The following NCKAP5 variants were observed in gnomAD, a reference collection of about 807,000 sequenced individuals.
NCKAP5 encodes the protein NCK associated protein 5.
In NCKAP5, 92 loss-of-function variants were observed where a neutral mutation model predicts 167.0. That is an observed-to-expected ratio of 0.55 (90% confidence interval 0.47 to 0.66). The LOEUF (loss-of-function observed/expected upper bound fraction) is 0.66. Ranked by LOEUF, NCKAP5 falls within the 30% of genes least tolerant of loss-of-function variation. The pLI, the probability that NCKAP5 is intolerant of heterozygous loss-of-function variation, is 0.00. For synonymous variants in NCKAP5, 891 were observed against 877.4 expected (o/e 1.02, Z -0.27); for missense variants, 2,378 against 2,315.0 (o/e 1.03, Z -0.56).
intron 16 of NCKAP5, among the ~76,000 whole-genome samples, chr2:132,755,583 C>A (rs1302115971): frequency 6.6e-6 from 1 of 152,056 alleles, no homozygotes; most frequent in African/African-American, 2.4e-5. Flanking sequence ...GTAATCCCAG[C>A]ACTTTGGAAG....
intron 2 of NCKAP5, among the ~76,000 whole-genome samples, chr2:133,532,100 T>G (rs1440266782): frequency 6.6e-6 from 1 of 152,244 alleles, no homozygotes; most frequent in Non-Finnish European, 1.5e-5. Flanking sequence ...ATAGTCTACT[T>G]TCTATATTCA....
chr2:132,863,445 G>A, intron 10 of NCKAP5, among the ~76,000 whole-genome samples: 2 of 94,604 alleles, frequency 2.1e-5, no homozygotes, highest in Non-Finnish European at 3.7e-5. Context: ...TTCTTCAGAT[G>A]GGTAAAAAAA....
At position 132,784,979 on chromosome 2, in the gene NCKAP5, T is replaced by C. The variant is rs1439834850; in HGVS notation, c.1832A>G (p.Asp611Gly). 1.9e-6 allele frequency: 3 copies of C among 1,613,660 alleles called. No individual in the cohort carries two copies. The highest frequency in any genetic ancestry group is 2.5e-6 in the Non-Finnish European group (3 of 1,179,778). ...PSDVSLAADT[D>G]KSVENLDVLV... Reference sequence around the variant, plus strand: ...GACATCCAGGTTCTCCACGGACTTATCGGTGTCGGCAGCCAATGACACGTC... The same window carrying C: ...GACATCCAGGTTCTCCACGGACTTACCGGTGTCGGCAGCCAATGACACGTC... The change falls in exon 14 of 20, where the codon GAT becomes GGT. Residue 611 changes from aspartate to glycine, a missense_variant. By Grantham distance (94) the Asp-to-Gly change is moderately conservative. Coordinates refer to ENST00000409261, the MANE Select transcript of NCKAP5 (RefSeq NM_207363.3).
chr2:133,316,690 T>A (rs2150645821), intron 3 of NCKAP5, among the ~76,000 whole-genome samples: 1 of 152,140 alleles, frequency 6.6e-6, no homozygotes, highest in East Asian at 1.9e-4. Context: ...CCTCCTGGAG[T>A]GAGGTATTTC....
intron 16 of NCKAP5, among the ~76,000 whole-genome samples, chr2:132,735,013 A>T (rs1289995194): frequency 1.3e-5 from 2 of 152,200 alleles, no homozygotes; most frequent in Non-Finnish European, 2.9e-5. Flanking sequence ...TGGGCTCCCC[A>T]TTCTGTGGCT....
At chr2:133,524,693 CCT>C (rs1484699984) in intron 2 of NCKAP5, among the ~76,000 whole-genome samples, 2 of 152,142 alleles carry the variant, frequency 1.3e-5, no homozygotes, top group Non-Finnish European at 2.9e-5. Context: ...AAACTCCAGT[CCT>C]CTTTGTATTG....
intron 5 of NCKAP5, among the ~76,000 whole-genome samples, chr2:133,200,752 G>C (rs2085650932): frequency 6.6e-6 from 1 of 152,122 alleles, no homozygotes; most frequent in Admixed American, 6.6e-5. Flanking sequence ...AACTGCACAA[G>C]AATTTCATAG....
At chr2:133,150,973 C>A (rs749018077) in intron 5 of NCKAP5, among the ~76,000 whole-genome samples, 22 of 152,170 alleles carry the variant, frequency 1.4e-4, no homozygotes, top group Non-Finnish European at 2.6e-4. Flanking sequence ...ACTGCATGAT[C>A]TCACTTTATA....
At chr2:133,539,075 G>C (rs1162966912) in intron 2 of NCKAP5, among the ~76,000 whole-genome samples, 1 of 151,568 alleles carries the variant, frequency 6.6e-6, no homozygotes, top group Non-Finnish European at 1.5e-5. Flanking sequence ...CAAGTAGCTG[G>C]GACTACAGGC....
At chr2:133,462,107 C>A (rs1692235778) in intron 3 of NCKAP5, among the ~76,000 whole-genome samples, 2 of 152,216 alleles carry the variant, frequency 1.3e-5, no homozygotes, top group African/African-American at 4.8e-5. Context: ...TGCCTAACAA[C>A]CCTAAATAAT....
chr2:133,671,329 G>A, the NCKAP5 span, among the ~76,000 whole-genome samples: 1 of 151,892 alleles, frequency 6.6e-6, no homozygotes, highest in African/African-American at 2.4e-5. Context: ...TAGTGCAACA[G>A]TGTGAATATC....
chr2:132,794,263 T>TAGAGAGAGAG lies in NCKAP5; in HGVS notation c.909+2355_909+2364dup, dbSNP rs70973407. On this transcript the variant is annotated intron_variant, in intron 12 of 19. Transcript: ENST00000409261. ...ATATATATATATATATATATATATA[T>TAGAGAGAGAG]AGAGAGAGAGAGAGAGAGAGAGAGA... Among the ~76,000 whole-genome samples the TAGAGAGAGAG allele has an allele frequency of 5.7e-3, 68 of 11,898 alleles. 3 individuals carry two copies. Among genetic ancestry groups the TAGAGAGAGAG allele is most frequent in the South Asian group, 0.011 (2 of 178 alleles). The allele number at this position is 11,898 out of a possible 152,430, so 7.8% of individuals were successfully genotyped here. A position where few individuals can be genotyped will look rare whatever the true frequency, so the allele number is the denominator to read the frequency against.
At chr2:133,359,113 A>T (rs182792439) in intron 3 of NCKAP5, among the ~76,000 whole-genome samples, 2 of 152,380 alleles carry the variant, frequency 1.3e-5, no homozygotes, top group Non-Finnish European at 2.9e-5. Flanking sequence ...AGAAAGATTT[A>T]TGAAAGAAAC....
intron 6 of NCKAP5, among the ~76,000 whole-genome samples, chr2:133,019,931 C>T (rs532173225): frequency 6.6e-6 from 1 of 152,358 alleles, no homozygotes; most frequent in South Asian, 2.1e-4. Context: ...TGGGAGAGCA[C>T]TGGGGCAGCT....
At chr2:133,035,933 C>T (rs2079026593) in intron 6 of NCKAP5, among the ~76,000 whole-genome samples, 1 of 151,594 alleles carries the variant, frequency 6.6e-6, no homozygotes, top group Non-Finnish European at 1.5e-5. Flanking sequence ...AACCTTTAGC[C>T]AGACTAAGAA....
intron 5 of NCKAP5, among the ~76,000 whole-genome samples, chr2:133,198,284 G>C (rs2085527167): frequency 6.6e-6 from 1 of 152,086 alleles, no homozygotes. Flanking sequence ...CAAATTTGCT[G>C]ATTCAAGAAA....
intron 7 of NCKAP5, among the ~76,000 whole-genome samples, chr2:132,988,545 G>A (rs1164462738): frequency 6.7e-6 from 1 of 149,612 alleles, no homozygotes; most frequent in Non-Finnish European, 1.5e-5. Flanking sequence ...CTTGAAACAT[G>A]TGGCGATCTT....
At chr2:132,887,362 T>TC (rs1204877077) in intron 8 of NCKAP5, among the ~76,000 whole-genome samples, 254 of 77,470 alleles carry the variant, frequency 3.3e-3, no homozygotes, top group Admixed American at 6.8e-3. Flanking sequence ...CATCCATCCA[T>TC]CTTTCCATCC....
At chr2:132,969,771 C>T (rs1387150890) in intron 7 of NCKAP5, among the ~76,000 whole-genome samples, 3 of 152,174 alleles carry the variant, frequency 2.0e-5, no homozygotes, top group African/African-American at 7.2e-5. Flanking sequence ...GATGTAACGC[C>T]ACCCAGGACC....
Sources: gnomAD v4.1 joint callset for allele counts (sites outside exome capture counted in the v4.1 genomes callset) on GRCh38, gnomAD v4.1.1 for gene constraint, MANE v1.5 for transcripts, NCBI Gene and HGNC (gene_info 2026-07-23, HGNC 2026-07-21) for gene names.